The following SDCCAG8 variants were observed in gnomAD, a reference collection of about 807,000 sequenced individuals.
SDCCAG8 encodes the protein serologically defined colon cancer antigen 8.
Under a neutral mutation model 101.8 loss-of-function variants are expected in SDCCAG8, and 74 were observed. That is an observed-to-expected ratio of 0.73 (90% CI 0.60 to 0.88). The LOEUF is 0.88. Among genes scored for constraint, SDCCAG8 ranks in the 40% least tolerant of loss-of-function variants. The pLI, the probability that SDCCAG8 is intolerant of heterozygous loss-of-function variation, is 0.00. For missense variants in SDCCAG8, 787 were observed against 822.6 expected (o/e 0.96, Z 0.53); for synonymous variants, 281 against 292.9 (o/e 0.96, Z 0.41).
At chr1:243,347,269 G>A (rs1294543908) in intron 12 of SDCCAG8, among the ~76,000 whole-genome samples, 1 of 152,048 alleles carries the variant, frequency 6.6e-6, no homozygotes, top group Non-Finnish European at 1.5e-5. Context: ...TACCCATGTG[G>A]ATCTATGAAG....
Position 243,458,669 on chromosome 1 carries a change from G to A in SDCCAG8, c.1986-30345G>A, listed in dbSNP as rs951388149. ...GATGCCAAACGTGAACCTGGGCAGT[G>A]TGGCTGCCAATTCTGGGAAGAAGGG... On this transcript the variant is annotated intron_variant, in intron 16 of 17. Coordinates refer to ENST00000366541, the MANE Select transcript of SDCCAG8 (RefSeq NM_006642.5). This position sits in a 1 kb window ranked among gnomAD's most constrained non-coding sequence, Gnocchi z 4.5. 2.0e-5 allele frequency among the ~76,000 whole-genome samples: 3 copies of A among 152,226 alleles called. No homozygotes were observed. Among genetic ancestry groups the A allele is most frequent in the Non-Finnish European group, 2.9e-5 (2 of 68,040 alleles).
chr1:243,285,546 T>A (rs1035514026), intron 4 of SDCCAG8, among the ~76,000 whole-genome samples: 3 of 152,226 alleles, frequency 2.0e-5, no homozygotes, highest in African/African-American at 7.2e-5. Context: ...TTTTCACATG[T>A]TGTACAATAG....
intron 16 of SDCCAG8, among the ~76,000 whole-genome samples, chr1:243,466,745 C>A (rs1159313049): frequency 6.6e-6 from 1 of 152,232 alleles, no homozygotes; most frequent in African/African-American, 2.4e-5. Context: ...CAGGTCCTAT[C>A]GAGAGTAGAC....
At chr1:243,415,957 G>A (rs916627933) in intron 14 of SDCCAG8, 128 bp downstream of exon 14, 38 of 1,055,792 alleles carry the variant, frequency 3.6e-5, no homozygotes, top group East Asian at 2.3e-4. Context: ...TAACTACACC[G>A]GAGATTCCGA....
chr1:243,457,588 T>C (rs1370639055), intron 16 of SDCCAG8, among the ~76,000 whole-genome samples: 1 of 152,228 alleles, frequency 6.6e-6, no homozygotes, highest in Non-Finnish European at 1.5e-5. Flanking sequence ...ACTTCTCTGC[T>C]GGTAACAGTC....
chr1:243,454,325 A>G (rs2148136314), intron 16 of SDCCAG8, among the ~76,000 whole-genome samples: 1 of 152,262 alleles, frequency 6.6e-6, no homozygotes, highest in East Asian at 1.9e-4. Context: ...GAGGCCAAGC[A>G]GAGCATCTGG....
At chr1:243,419,972 G>C (rs4658569) in intron 15 of SDCCAG8, among the ~76,000 whole-genome samples, 23,000 of 152,114 alleles carry the variant, frequency 0.15, 2,272 homozygotes, top group African/African-American at 0.28. Context: ...CTCCTGAACA[G>C]TACTTTGTAA....
At chr1:243,270,757 A>G (rs2068013384) in intron 2 of SDCCAG8, among the ~76,000 whole-genome samples, 1 of 151,134 alleles carries the variant, frequency 6.6e-6, no homozygotes, top group Admixed American at 6.6e-5. Context: ...ATACAAACTT[A>G]TTTTATATCT....
chr1:243,394,829 T>C (rs1296439965), intron 13 of SDCCAG8, among the ~76,000 whole-genome samples: 2 of 151,824 alleles, frequency 1.3e-5, no homozygotes, highest in African/African-American at 2.4e-5. Flanking sequence ...CCTGGCAACA[T>C]TGCTTCAATG....
intron 12 of SDCCAG8, 27 bp from the exon 13 acceptor site, chr1:243,378,694 T>C: frequency 6.2e-7 from 1 of 1,612,544 alleles, no homozygotes; most frequent in African/African-American, 1.3e-5. Flanking sequence ...TTTATATGGA[T>C]GCTTTTTCCC....
At chr1:243,296,202 C>T (rs1255882767) in intron 6 of SDCCAG8, among the ~76,000 whole-genome samples, 4 of 152,020 alleles carry the variant, frequency 2.6e-5, no homozygotes, top group Admixed American at 6.5e-5. Flanking sequence ...CGCCATGCTG[C>T]TCAAGCTAGT....
chr1:243,402,797 A>T (rs1015553850), intron 13 of SDCCAG8, among the ~76,000 whole-genome samples: 3 of 152,198 alleles, frequency 2.0e-5, no homozygotes, highest in African/African-American at 7.2e-5. Flanking sequence ...CAAGAAAATC[A>T]TGTCATCTTT....
intron 9 of SDCCAG8, 73 bp from the exon 10 acceptor site, chr1:243,330,467 G>A (rs1305327912): frequency 6.7e-7 from 1 of 1,489,296 alleles, no homozygotes. Flanking sequence ...TATACTTAAA[G>A]CTTAATTATG....
Position 243,286,260 on chromosome 1 carries a change from T to G in SDCCAG8, c.421-12T>G, listed in dbSNP as rs1287931266. 1 of 1,613,454 alleles carries G rather than the reference T, an allele frequency of 6.2e-7. No homozygotes were observed. Among genetic ancestry groups the G allele is most frequent in the Non-Finnish European group, 8.5e-7 (1 of 1,179,374 alleles). ...TAATAATGCTTAATGTGTTTGGTTT[T>G]GTTTATTATAGGAGGAACTCTCTGG... On this transcript the variant is annotated splice_polypyrimidine_tract_variant and intron_variant, in intron 4 of 17. Coordinates refer to ENST00000366541, the MANE Select transcript of SDCCAG8 (RefSeq NM_006642.5).
intron 16 of SDCCAG8, among the ~76,000 whole-genome samples, chr1:243,478,955 T>G (rs1662951153): frequency 3.0e-5 from 1 of 33,880 alleles, no homozygotes; most frequent in South Asian, 7.4e-4. Context: ...AGACTCTGTC[T>G]CAAAAAAAAA....
rs2075357346 is a variant in SDCCAG8, at chr1:243,341,087, A to G, written c.1270A>G (p.Lys424Glu). 2.5e-6 allele frequency: 4 copies of G among 1,614,076 alleles called. No homozygotes were observed. Among genetic ancestry groups the G allele is most frequent in the Non-Finnish European group, 2.5e-6 (3 of 1,179,892 alleles). The stretch of plus-strand genomic sequence containing the variant: ...TGCCCAACTGGAGGCCCAGGTGGAA[A>G]AGGTTACAAAGGAAAAGATTTCAGC... ...NIAQLEAQVEKVTKEKISAIN... is the reference protein window; with the variant it reads ...NIAQLEAQVEEVTKEKISAIN... Residue 424 changes from lysine to glutamate, a missense_variant, in exon 11 of 18, where the codon AAG (lysine) becomes GAG (glutamate). Coordinates refer to ENST00000366541, the MANE Select transcript of SDCCAG8 (RefSeq NM_006642.5).
At chr1:243,307,391 C>T in intron 7 of SDCCAG8, 1 of 981,718 alleles carries the variant, frequency 1.0e-6, no homozygotes, top group African/African-American at 1.8e-5. Flanking sequence ...CTGTAACTTA[C>T]TTTCTTTTGA....
At chr1:243,291,376 T>C (rs778150143) in intron 5 of SDCCAG8, among the ~76,000 whole-genome samples, 1 of 152,208 alleles carries the variant, frequency 6.6e-6, no homozygotes, top group Non-Finnish European at 1.5e-5. Flanking sequence ...CAGTGTTTAA[T>C]AGTGTTTCAC....
At chr1:243,286,178 C>A in intron 4 of SDCCAG8, 94 bp from the exon 5 acceptor site, 1 of 1,260,662 alleles carries the variant, frequency 7.9e-7, no homozygotes, top group Non-Finnish European at 1.2e-6. Context: ...GAACATAAGT[C>A]TTCCGTACTT....
Sources: allele counts gnomAD v4.1 joint callset (sites outside exome capture counted in the v4.1 genomes callset), GRCh38; gene constraint gnomAD v4.1.1; non-coding constraint Gnocchi (gnomAD v3.1); transcripts MANE v1.5; gene names NCBI Gene and HGNC (gene_info 2026-07-23, HGNC 2026-07-21).